HNRNPLL: variants seen among roughly 807,000 people sequenced by gnomAD.
HNRNPLL encodes heterogeneous nuclear ribonucleoprotein L-like.
A neutral mutation model predicts 67.1 loss-of-function variants in HNRNPLL; 25 were observed. The observed-to-expected ratio is 0.37, with a 90% CI of 0.27 to 0.52. HNRNPLL has a LOEUF of 0.52. HNRNPLL is among the 20% of genes least tolerant of loss of function. The probability of loss-of-function intolerance (pLI) is 0.90; values close to 1 mark genes in which losing one functional copy is unlikely to be tolerated. For missense variants in HNRNPLL, 542 were observed against 673.9 expected (o/e 0.80, Z 2.17); for synonymous variants, 267 against 241.7 (o/e 1.10, Z -0.97).
At chr2:38,572,981 T>C (rs1666151656) in intron 8 of HNRNPLL, among the ~76,000 whole-genome samples, 1 of 152,068 alleles carries the variant, frequency 6.6e-6, no homozygotes, top group African/African-American at 2.4e-5. Context: ...TTAGACTTCT[T>C]TTTATATTGG....
chr2:38,580,623 T>C (rs1573737057), intron 6 of HNRNPLL, among the ~76,000 whole-genome samples: 1 of 152,188 alleles, frequency 6.6e-6, no homozygotes, highest in Non-Finnish European at 1.5e-5. Flanking sequence ...ACTGATATTG[T>C]AGTTAAGATG....
chr2:38,568,484 A>G (rs1665955844), intron 10 of HNRNPLL, 41 bp from the exon 11 acceptor site: 3 of 1,294,104 alleles, frequency 2.3e-6, no homozygotes, highest in African/African-American at 3.0e-5. Flanking sequence ...TATAGCCAAA[A>G]TAATATCCCA....
At chr2:38,592,457 G>C (rs1224197383) in intron 1 of HNRNPLL, among the ~76,000 whole-genome samples, 1 of 152,132 alleles carries the variant, frequency 6.6e-6, no homozygotes. Context: ...TACTCACTTA[G>C]CAGTATTAAT....
In HNRNPLL at chr2:38,602,705, C is replaced by G. The variant is rs1011524897; in HGVS notation, c.-79G>C. 39 of 1,431,296 alleles carry G rather than the reference C, an allele frequency of 2.7e-5. No homozygotes were observed. The East Asian group carries it at 1.1e-3, about 41-fold the overall frequency. The allele number at this position is 1,431,296 out of a possible 1,614,324, so 88.7% of individuals were successfully genotyped here. ...GCGCCTCGGATGCCGCCGGCCAGTC[C>G]TCGCCGCCGGCAGCGCCTCTTCTGC... On this transcript the variant is annotated 5_prime_UTR_variant, in exon 1 of 13. Transcript: ENST00000449105.
chr2:38,566,241 G>A, intron 12 of HNRNPLL: 1 of 186,096 alleles, frequency 5.4e-6, no homozygotes, highest in Non-Finnish European at 1.0e-5. Flanking sequence ...GGTGGTGGGT[G>A]CCTATAATCC....
chr2:38,576,900 T>C (rs1666320760), intron 7 of HNRNPLL, among the ~76,000 whole-genome samples: 1 of 151,898 alleles, frequency 6.6e-6, no homozygotes, highest in South Asian at 2.1e-4. Context: ...AATTTTTTCC[T>C]GGGGCAGATT....
intron 6 of HNRNPLL, among the ~76,000 whole-genome samples, chr2:38,580,769 T>C (rs1284774463): frequency 6.6e-6 from 1 of 152,254 alleles, no homozygotes; most frequent in Admixed American, 6.5e-5. Context: ...TAGGTGAAGA[T>C]GCATCCCAAA....
At chr2:38,564,291 C>T in intron 12 of HNRNPLL, 54 bp from the exon 13 acceptor site, 2 of 931,134 alleles carry the variant, frequency 2.1e-6, no homozygotes, top group Non-Finnish European at 3.5e-6. Context: ...TTCAAGATCA[C>T]CTTGAAGTAT....
intron 8 of HNRNPLL, among the ~76,000 whole-genome samples, chr2:38,570,555 G>A (rs1286600187): frequency 6.6e-6 from 1 of 152,148 alleles, no homozygotes; most frequent in Non-Finnish European, 1.5e-5. Context: ...GGACAGTTTG[G>A]GCAGAGGCCA....
chr2:38,602,082 C>T (rs1397616321), intron 1 of HNRNPLL: 1 of 272,544 alleles, frequency 3.7e-6, no homozygotes, highest in Non-Finnish European at 7.0e-6. Context: ...GTGGTCCCGA[C>T]GCTGGCCCCG....
At chr2:38,590,210 T>C (rs1240380319) in intron 2 of HNRNPLL, among the ~76,000 whole-genome samples, 1 of 152,236 alleles carries the variant, frequency 6.6e-6, no homozygotes, top group Admixed American at 6.5e-5. Flanking sequence ...AATAAAATTA[T>C]GCCACAATGC....
chr2:38,575,704 G>C (rs1045430217), intron 7 of HNRNPLL, among the ~76,000 whole-genome samples: 3 of 151,790 alleles, frequency 2.0e-5, no homozygotes, highest in Admixed American at 1.3e-4. Flanking sequence ...CATAGGAAAA[G>C]GAAAGGTCAT....
chr2:38,565,342 T>C (rs1375583267), intron 12 of HNRNPLL, among the ~76,000 whole-genome samples: 1 of 152,194 alleles, frequency 6.6e-6, no homozygotes, highest in Admixed American at 6.5e-5. Flanking sequence ...TAAAGCTTTT[T>C]AAAACTTTCT....
intron 6 of HNRNPLL, among the ~76,000 whole-genome samples, chr2:38,579,488 C>T (rs1407212986): frequency 1.3e-5 from 2 of 151,856 alleles, no homozygotes; most frequent in Admixed American, 1.3e-4. Flanking sequence ...TAACAGGTCA[C>T]GTAAAACAGA....
Position 38,602,742 on chromosome 2 carries a change from C to CG in HNRNPLL, c.-117dup. ...AGCGCCTCTTCTGCGAGGGTCTCCG[C>CG]GGCCCGGCCGTCCGCGGGGACTGCG... is the stretch of plus-strand genomic sequence containing the variant. On this transcript the variant is annotated 5_prime_UTR_variant, in exon 1 of 13. Transcript: ENST00000449105. The CG allele has an allele frequency of 1.3e-6, 2 of 1,499,288 alleles. No individual in the cohort carries two copies. The highest frequency in any genetic ancestry group is 2.5e-5 in the South Asian group (2 of 78,534). 92.9% of individuals were successfully genotyped at this position (1,499,288 alleles called of 1,614,324 possible).
intron 1 of HNRNPLL, among the ~76,000 whole-genome samples, chr2:38,591,908 G>A (rs1666972902): frequency 6.6e-6 from 1 of 152,038 alleles, no homozygotes; most frequent in South Asian, 2.1e-4. Context: ...TCCGGGAGGT[G>A]GAGGCTGCAG....
At chr2:38,566,542 G>C (rs1665868050) in intron 12 of HNRNPLL, among the ~76,000 whole-genome samples, 1 of 152,058 alleles carries the variant, frequency 6.6e-6, no homozygotes, top group Non-Finnish European at 1.5e-5. Flanking sequence ...GTTGCTAAGA[G>C]TGCTGAGCAA....
chr2:38,564,061 G>C lies in HNRNPLL; in HGVS notation c.*121C>G. On this transcript the variant is annotated 3_prime_UTR_variant, in exon 13 of 13. Transcript: ENST00000449105. ...CTCAAGGCAAAATATGTTTATTACA[G>C]AACAGGATCTTAAAGTAAGCAAGGC... The C allele has an allele frequency of 2.8e-6, 2 of 704,372 alleles. No individual in the cohort carries two copies. The highest frequency in any genetic ancestry group is 1.6e-5 in the South Asian group (1 of 63,218). 43.6% of individuals were successfully genotyped at this position (704,372 alleles called of 1,614,324 possible).
At chr2:38,600,460 C>T (rs1378164758) in intron 1 of HNRNPLL, among the ~76,000 whole-genome samples, 1 of 152,108 alleles carries the variant, frequency 6.6e-6, no homozygotes, top group Non-Finnish European at 1.5e-5. Context: ...GGTGCGGTGG[C>T]TCACGGCTGT....
Sources: gnomAD v4.1 joint callset for allele counts (sites outside exome capture counted in the v4.1 genomes callset) on GRCh38, gnomAD v4.1.1 for gene constraint, MANE v1.5 for transcripts, NCBI Gene and HGNC (gene_info 2026-07-23, HGNC 2026-07-21) for gene names.